Variants in LAMA2 observed in about 807,000 individuals in gnomAD.
LAMA2 encodes laminin subunit alpha-2.
Under a neutral mutation model 364.8 loss-of-function variants are expected in LAMA2, and 269 were observed. That is an observed-to-expected ratio of 0.74 (90% confidence interval 0.67 to 0.82). The LOEUF is 0.82. Among genes scored for constraint, LAMA2 ranks in the 40% least tolerant of loss-of-function variants. The probability of loss-of-function intolerance (pLI) is 0.00; values close to 1 mark genes in which losing one functional copy is unlikely to be tolerated. For synonymous variants in LAMA2, 1,379 were observed against 1,370.6 expected (o/e 1.01, Z -0.14); for missense variants, 3,807 against 3,873.2 (o/e 0.98, Z 0.45).
At chr6:129,223,923 A>T (rs1470543627) in intron 12 of LAMA2, among the ~76,000 whole-genome samples, 2 of 152,140 alleles carry the variant, frequency 1.3e-5, no homozygotes, top group African/African-American at 4.8e-5. Flanking sequence ...TGAATCTATG[A>T]ATTACCTTGG....
At chr6:128,905,831 G>T (rs2114432845) in intron 1 of LAMA2, among the ~76,000 whole-genome samples, 1 of 148,624 alleles carries the variant, frequency 6.7e-6, no homozygotes, top group East Asian at 2.0e-4. Flanking sequence ...TCCCCTTCCT[G>T]TGTCCATGTG....
chr6:129,135,322 T>G (rs959856326), intron 4 of LAMA2, among the ~76,000 whole-genome samples: 1 of 152,148 alleles, frequency 6.6e-6, no homozygotes, highest in Non-Finnish European at 1.5e-5. Context: ...TCACTACAAG[T>G]CTTCAAAAGG....
intron 1 of LAMA2, among the ~76,000 whole-genome samples, chr6:128,917,840 A>C (rs9482957): frequency 0.22 from 32,139 of 146,324 alleles, 5,066 homozygotes; most frequent in African/African-American, 0.45. Flanking sequence ...TTCAAGTGAT[A>C]CTCCCACTTC....
At chr6:129,173,559 A>C (rs1000864512) in intron 9 of LAMA2, among the ~76,000 whole-genome samples, 3 of 152,184 alleles carry the variant, frequency 2.0e-5, no homozygotes, top group Non-Finnish European at 4.4e-5. Flanking sequence ...TCACAGTTAC[A>C]TTCAGCTCTG....
intron 3 of LAMA2, among the ~76,000 whole-genome samples, chr6:129,092,336 TAA>T (rs1020110401): frequency 6.6e-6 from 1 of 152,230 alleles, no homozygotes; most frequent in Non-Finnish European, 1.5e-5. Flanking sequence ...TGCAGTTCTA[TAA>T]AGATTCCCAG....
At chr6:129,442,675 C>G (rs561117282) in intron 43 of LAMA2, 27 of 282,100 alleles carry the variant, frequency 9.6e-5, no homozygotes, top group Non-Finnish European at 1.5e-4. Context: ...CCTCTCCCTC[C>G]TCCTGCTCTC....
intron 4 of LAMA2, among the ~76,000 whole-genome samples, chr6:129,139,950 C>T (rs975212207): frequency 9.2e-5 from 14 of 152,172 alleles, no homozygotes; most frequent in Admixed American, 9.2e-4. Context: ...CAACTTCATC[C>T]ACTTCTGCTA....
chr6:129,044,071 A>G (rs1242948578), intron 1 of LAMA2, among the ~76,000 whole-genome samples: 1 of 152,110 alleles, frequency 6.6e-6, no homozygotes, highest in Non-Finnish European at 1.5e-5. Context: ...TTTGAGTTTT[A>G]GCCATTCTGG....
intron 12 of LAMA2, among the ~76,000 whole-genome samples, chr6:129,227,498 G>A (rs1784379798): frequency 6.6e-6 from 1 of 152,122 alleles, no homozygotes; most frequent in African/African-American, 2.4e-5. Flanking sequence ...ATGTACGGAT[G>A]GGGTTTTGGT....
At chr6:129,399,826 T>A (rs769379078) in intron 37 of LAMA2, among the ~76,000 whole-genome samples, 4 of 151,858 alleles carry the variant, frequency 2.6e-5, no homozygotes, top group Non-Finnish European at 5.9e-5. Context: ...TAGCACTAGC[T>A]CAGTGCAAAT....
At chr6:128,930,935 G>A (rs1172129549) in intron 1 of LAMA2, among the ~76,000 whole-genome samples, 1 of 152,046 alleles carries the variant, frequency 6.6e-6, no homozygotes, top group African/African-American at 2.4e-5. Flanking sequence ...CTGTTCCTAT[G>A]ATTCTAAGAT....
Position 129,491,950 on chromosome 6 carries a change from AC to A in LAMA2, c.7949del (p.Thr2650LysfsTer78). The A allele has an allele frequency of 6.2e-7, 1 of 1,613,930 alleles. No homozygotes were observed. Among genetic ancestry groups the A allele is most frequent in the East Asian group, 2.2e-5 (1 of 44,852 alleles). On this transcript the variant is annotated frameshift_variant, in exon 57 of 65. Coordinates refer to ENST00000421865, the MANE Select transcript of LAMA2 (RefSeq NM_000426.4). LOFTEE classifies it high-confidence loss of function. ...AAACAGAAGATACATGCAAAACCTG[AC>A]AGTTGAACAGCCTATCGAAGTTAAA... ...DENRRYMQNLTVEQPIEVKKL... is the reference protein window; with the variant it reads ...DENRRYMQNLXVEQPIEVKKL...
rs571831286 is a variant in LAMA2, at chr6:128,915,422, G to A, written c.112+32065G>A. ...CTAAGGAAGGAATTCTATGCAAAGC[G>A]TTTCTGATTCTCTTAGTATTTTGTG... On this transcript the variant is annotated intron_variant, in intron 1 of 64. Transcript: ENST00000421865. Among the ~76,000 whole-genome samples, 6 of 152,254 alleles carry A rather than the reference G, an allele frequency of 3.9e-5. No individual in the cohort carries two copies. In the South Asian group the frequency reaches 6.2e-4, roughly 16 times the overall value.
At chr6:129,139,013 TA>T in intron 4 of LAMA2, among the ~76,000 whole-genome samples, 1 of 152,090 alleles carries the variant, frequency 6.6e-6, no homozygotes. Flanking sequence ...CAAATGCTGC[TA>T]ATAGGTCAAA....
intron 12 of LAMA2, among the ~76,000 whole-genome samples, chr6:129,195,429 C>T (rs765845934): frequency 3.3e-5 from 5 of 152,120 alleles, no homozygotes; most frequent in Non-Finnish European, 7.4e-5. Flanking sequence ...CACATTTTTA[C>T]TGTTTTGGAA....
intron 1 of LAMA2, among the ~76,000 whole-genome samples, chr6:128,908,770 T>C (rs1777678702): frequency 6.7e-6 from 1 of 149,498 alleles, no homozygotes; most frequent in Admixed American, 6.6e-5. Context: ...CTTGTGGGCA[T>C]TTAGTGCTAT....
In LAMA2 at chr6:129,316,124, T is replaced by C; in HGVS notation, c.4011T>C (p.His1337=). 1 of 1,607,918 alleles carries C rather than the reference T, an allele frequency of 6.2e-7. No individual in the cohort carries two copies. The highest frequency in any genetic ancestry group is 8.5e-7 in the Non-Finnish European group (1 of 1,174,750). The change falls in exon 27 of 65, where the codon CAT becomes CAC. Residue 1337 remains histidine, a synonymous_variant. Transcript: ENST00000421865. The part of the protein sequence containing the change: ...EDFLDILYDI[H]YILIKATYGN... ...TCTTGGATATACTATATGATATTCA[T>C]TACATTCTTATCAAAGCTACTTATG...
chr6:129,123,000 A>T, intron 4 of LAMA2, among the ~76,000 whole-genome samples: 1 of 152,136 alleles, frequency 6.6e-6, no homozygotes, highest in East Asian at 1.9e-4. Context: ...TTCCTCAAAA[A>T]ATTCAAAATG....
At chr6:129,278,625 A>C (rs912920832) in intron 17 of LAMA2, among the ~76,000 whole-genome samples, 1 of 152,170 alleles carries the variant, frequency 6.6e-6, no homozygotes, top group African/African-American at 2.4e-5. Flanking sequence ...TGCTTTATAA[A>C]AGGAGATTCT....
Sources: gnomAD v4.1 joint callset for allele counts (sites outside exome capture counted in the v4.1 genomes callset) on GRCh38, gnomAD v4.1.1 for gene constraint, MANE v1.5 for transcripts, NCBI Gene and HGNC (gene_info 2026-07-23, HGNC 2026-07-21) for gene names.